Variants in GABRB1 observed in about 807,000 individuals in gnomAD.
GABRB1 encodes the protein gamma-aminobutyric acid type A receptor subunit beta1.
GABRB1 carries 17 observed loss-of-function variants against 51.6 expected under a neutral mutation model. The observed-to-expected ratio is 0.33, with a 90% CI of 0.23 to 0.49. The LOEUF (loss-of-function observed/expected upper bound fraction) is 0.49, where lower values mean the gene tolerates loss of function less well. Among genes scored for constraint, GABRB1 ranks in the 20% least tolerant of loss-of-function variants. The probability of loss-of-function intolerance (pLI) is 0.99; values close to 1 mark genes in which losing one functional copy is unlikely to be tolerated. For synonymous variants in GABRB1, 247 were observed against 218.9 expected (o/e 1.13, Z -1.14); for missense variants, 410 against 600.6 (o/e 0.68, Z 3.32).
At chr4:47,274,113 A>C (rs1385944490) in intron 4 of GABRB1, among the ~76,000 whole-genome samples, 1 of 151,892 alleles carries the variant, frequency 6.6e-6, no homozygotes. Context: ...TTTTTTCTCA[A>C]CTCTTAAAGC....
At chr4:47,356,810 G>A (rs1187066537) in intron 5 of GABRB1, among the ~76,000 whole-genome samples, 2 of 152,104 alleles carry the variant, frequency 1.3e-5, no homozygotes, top group Admixed American at 1.3e-4. Flanking sequence ...ATAAAAATCT[G>A]ATAAAATCAG....
Position 47,403,469 on chromosome 4 carries a change from C to A in GABRB1, c.682+14C>A. 2 of 1,613,714 alleles carry A rather than the reference C, an allele frequency of 1.2e-6. No individual in the cohort carries two copies. The highest frequency in any genetic ancestry group is 1.7e-6 in the Non-Finnish European group (2 of 1,179,794). ...AGTTCACAACAGGTGAGGTTGTTTCCCCCAAAATGTACTAGGGGTGCTGTG... is the reference window on the plus strand; with the variant it reads ...AGTTCACAACAGGTGAGGTTGTTTCACCCAAAATGTACTAGGGGTGCTGTG... On this transcript the variant is annotated intron_variant, in intron 6 of 8. Coordinates refer to ENST00000295454, the MANE Select transcript of GABRB1 (RefSeq NM_000812.4).
intron 4 of GABRB1, among the ~76,000 whole-genome samples, chr4:47,301,997 T>C (rs1724279834): frequency 6.6e-6 from 1 of 152,178 alleles, no homozygotes; most frequent in Non-Finnish European, 1.5e-5. Flanking sequence ...TTTTTTTTCC[T>C]ACAGAATGAA....
chr4:47,049,151 A>T (rs541670887), intron 3 of GABRB1, among the ~76,000 whole-genome samples: 1 of 151,818 alleles, frequency 6.6e-6, no homozygotes, highest in African/African-American at 2.4e-5. Context: ...CATCCATGTC[A>T]TGGTTCATAA....
chr4:47,251,598 C>A (rs190359949), intron 4 of GABRB1, among the ~76,000 whole-genome samples: 1 of 152,212 alleles, frequency 6.6e-6, no homozygotes, highest in Non-Finnish European at 1.5e-5. Context: ...TGAGCTCAGG[C>A]TCTCCTTGGG....
intron 3 of GABRB1, among the ~76,000 whole-genome samples, chr4:47,075,965 G>C (rs1317987978): frequency 3.3e-5 from 5 of 152,138 alleles, no homozygotes; most frequent in African/African-American, 1.2e-4. Context: ...TCCACCAGCT[G>C]GTGGGGCCTA....
chr4:47,251,004 G>C (rs1011030380), intron 4 of GABRB1, among the ~76,000 whole-genome samples: 5 of 152,068 alleles, frequency 3.3e-5, no homozygotes, highest in Non-Finnish European at 7.4e-5. Context: ...TTATTTCTTG[G>C]GGGGGTGTTA....
intron 5 of GABRB1, among the ~76,000 whole-genome samples, chr4:47,400,332 T>C (rs1339540711): frequency 2.0e-5 from 3 of 152,246 alleles, no homozygotes; most frequent in Non-Finnish European, 4.4e-5. Flanking sequence ...CTCAGTTCTT[T>C]TCACTAGATG....
intron 5 of GABRB1, among the ~76,000 whole-genome samples, chr4:47,348,958 C>T (rs1726207003): frequency 6.6e-6 from 1 of 152,024 alleles, no homozygotes; most frequent in African/African-American, 2.4e-5. Context: ...TATGAATAAG[C>T]AAGAGAGAAA....
Position 47,116,595 on chromosome 4 carries a change from T to C in GABRB1, c.241-44654T>C, listed in dbSNP as rs534248467. ...AAATTAGTTTGGCTGTTAAGTTAGG[T>C]GGGAAAATAAAAGGTATACATTTAC... On this transcript the variant is annotated intron_variant, in intron 3 of 8. Coordinates refer to ENST00000295454, the MANE Select transcript of GABRB1 (RefSeq NM_000812.4). 1.2e-3 allele frequency among the ~76,000 whole-genome samples: 179 copies of C among 152,296 alleles called. 2 individuals are homozygous for C. Among genetic ancestry groups the C allele is most frequent in the Middle Eastern group, 6.8e-3 (2 of 294 alleles).
At chr4:47,146,924 T>C (rs953498619) in intron 3 of GABRB1, among the ~76,000 whole-genome samples, 2 of 152,116 alleles carry the variant, frequency 1.3e-5, no homozygotes, top group Non-Finnish European at 2.9e-5. Flanking sequence ...TGTGTTAGTG[T>C]GACTATTCAG....
intron 4 of GABRB1, among the ~76,000 whole-genome samples, chr4:47,229,254 TTG>T: frequency 1.3e-5 from 2 of 152,312 alleles, no homozygotes; most frequent in East Asian, 3.9e-4. Context: ...TGAATGAATG[TTG>T]AACTTCCATT....
chr4:47,134,281 T>G (rs1300136447), intron 3 of GABRB1, among the ~76,000 whole-genome samples: 4 of 152,192 alleles, frequency 2.6e-5, no homozygotes, highest in Non-Finnish European at 5.9e-5. Context: ...TAGTGCTGTT[T>G]ATCCCATCAG....
chr4:47,234,339 T>C (rs1404132491), intron 4 of GABRB1, among the ~76,000 whole-genome samples: 1 of 151,826 alleles, frequency 6.6e-6, no homozygotes, highest in Non-Finnish European at 1.5e-5. Flanking sequence ...AATACAAAAT[T>C]AGCCGGGCAT....
intron 5 of GABRB1, among the ~76,000 whole-genome samples, chr4:47,366,923 T>C (rs1727003258): frequency 6.6e-6 from 1 of 152,210 alleles, no homozygotes; most frequent in African/African-American, 2.4e-5. Flanking sequence ...TTTTGTGACA[T>C]TATGTGTGGC....
intron 3 of GABRB1, among the ~76,000 whole-genome samples, chr4:47,039,231 A>G (rs897092368): frequency 3.3e-5 from 5 of 151,750 alleles, no homozygotes; most frequent in Admixed American, 3.3e-4. Context: ...CTCTTCTGCT[A>G]AGTGAACCAA....
At chr4:47,286,388 C>T (rs890135210) in intron 4 of GABRB1, among the ~76,000 whole-genome samples, 17 of 151,992 alleles carry the variant, frequency 1.1e-4, no homozygotes, top group African/African-American at 3.9e-4. Context: ...ATTTCTAATA[C>T]AGTTCTATTT....
At chr4:47,275,595 G>A (rs1393007978) in intron 4 of GABRB1, among the ~76,000 whole-genome samples, 1 of 152,088 alleles carries the variant, frequency 6.6e-6, no homozygotes, top group East Asian at 1.9e-4. Flanking sequence ...AAGGGAGGTG[G>A]ATGGGGGGAG....
chr4:47,267,911 A>G (rs1722703111), intron 4 of GABRB1, among the ~76,000 whole-genome samples: 2 of 152,208 alleles, frequency 1.3e-5, no homozygotes, highest in Non-Finnish European at 2.9e-5. Context: ...TTCCCAGATC[A>G]ATAAATTAAA....
Sources: gnomAD v4.1 joint callset for allele counts (sites outside exome capture counted in the v4.1 genomes callset) on GRCh38, gnomAD v4.1.1 for gene constraint, MANE v1.5 for transcripts, NCBI Gene and HGNC (gene_info 2026-07-23, HGNC 2026-07-21) for gene names.